ECD: variants seen among roughly 807,000 people sequenced by gnomAD.
ECD encodes the protein protein ecdysoneless homolog.
A neutral mutation model predicts 77.2 loss-of-function variants in ECD; 59 were observed. The observed-to-expected ratio is 0.76, with a 90% CI of 0.62 to 0.95. The LOEUF (loss-of-function observed/expected upper bound fraction) is 0.95. Ranked by LOEUF, ECD falls within the 40% of genes least tolerant of loss-of-function variation. The pLI is 0.00. For missense variants in ECD, 704 were observed against 763.4 expected (o/e 0.92, Z 0.92); for synonymous variants, 233 against 267.4 (o/e 0.87, Z 1.26).
chr10:73,143,516 G>T (rs531177251), intron 9 of ECD, among the ~76,000 whole-genome samples: 3 of 152,020 alleles, frequency 2.0e-5, no homozygotes, highest in Non-Finnish European at 2.9e-5. Flanking sequence ...CATCCACACG[G>T]TATATATTTT....
Position 73,156,343 on chromosome 10 carries a change from G to A in ECD, c.522C>T (p.Ile174=), listed in dbSNP as rs763731308. 2.7e-5 allele frequency: 43 copies of A among 1,613,454 alleles called. No individual in the cohort carries two copies. Among genetic ancestry groups the A allele is most frequent in the Non-Finnish European group, 3.3e-5 (39 of 1,179,872 alleles). ...CAAGTATTTTTTCTGAATGTGCTGTGATTATATTCAATGCTTGTGGAATTG... is the reference window on the plus strand; with the variant it reads ...CAAGTATTTTTTCTGAATGTGCTGTAATTATATTCAATGCTTGTGGAATTG... ...PPTIPQALNI[I]TAHSEKILAS... is the part of the protein sequence containing the mutation. The change falls in exon 5 of 14, where the codon ATC becomes ATT. Residue 174 remains isoleucine (I), a synonymous_variant. Transcript: ENST00000372979.
At chr10:73,139,021 G>A (rs1843014073) in intron 11 of ECD, among the ~76,000 whole-genome samples, 1 of 152,140 alleles carries the variant, frequency 6.6e-6, no homozygotes, top group Admixed American at 6.6e-5. Context: ...AAAGTTAAAT[G>A]TTGAGCCCAT....
At position 73,134,835 on chromosome 10, in the gene ECD, A is replaced by G. The variant is rs573079014; in HGVS notation, c.1705-22T>C. On this transcript the variant is annotated intron_variant, in intron 13 of 13. Transcript: ENST00000372979. ...GTTCCTTATTCATAGAGGGAAAAGA[A>G]AATTATGGGCTAATGTATCATTAGG... 5.1e-5 allele frequency: 81 copies of G among 1,597,832 alleles called. No homozygotes were observed. In the South Asian group the frequency reaches 8.9e-4, roughly 18 times the overall value.
chr10:73,160,576 T>A, intron 2 of ECD, 25 bp from the exon 3 acceptor site: 1 of 1,519,180 alleles, frequency 6.6e-7, no homozygotes, highest in African/African-American at 1.4e-5. Flanking sequence ...AAAGCAACCA[T>A]GTAACCAGAT....
rs1255722327 is a variant in ECD at position 73,154,359 on chromosome 10, A to G, written c.680T>C (p.Leu227Ser). 2 of 1,614,110 alleles carry G rather than the reference A, an allele frequency of 1.2e-6. No individual in the cohort carries two copies. Among genetic ancestry groups the G allele is most frequent in the East Asian group, 2.2e-5 (1 of 44,872 alleles). ...IVAVLKQRPRLVAAAVQAFYL... is the reference protein window; with the variant it reads ...IVAVLKQRPRSVAAAVQAFYL... ...AAATGCCTGGACTGCTGCAGCCACC[A>G]ATCTGGGGCGCTGCTTTAGCACTGC... The change falls in exon 6 of 14, where the codon TTG (leucine) becomes TCG (serine). Residue 227 changes from leucine (L) to serine (S), a missense_variant. Leu to Ser is a moderately radical substitution (Grantham distance 145). This residue lies in a region of ECD where 559 missense variants were observed against 583.7 expected (regional missense o/e 0.96). Transcript: ENST00000372979.
In ECD at chr10:73,151,717, T is replaced by C. The variant is rs186331186; in HGVS notation, c.912+576A>G. On this transcript the variant is annotated intron_variant, in intron 7 of 13. Transcript: ENST00000372979. Reference sequence around the variant, plus strand: ...CCTGTATTTCCTTTTCTGTGGACTATGTTCATAGTTCTGAACATTTTAAAA... The same window carrying C: ...CCTGTATTTCCTTTTCTGTGGACTACGTTCATAGTTCTGAACATTTTAAAA... Among the ~76,000 whole-genome samples, 538 of 152,308 alleles carry C rather than the reference T, an allele frequency of 3.5e-3. 2 individuals are homozygous for C. The highest frequency in any genetic ancestry group is 0.013 in the African/African-American group (524 of 41,584).
At chr10:73,162,592 A>G (rs1396469837) in intron 2 of ECD, among the ~76,000 whole-genome samples, 1 of 152,210 alleles carries the variant, frequency 6.6e-6, no homozygotes, top group African/African-American at 2.4e-5. Flanking sequence ...GATAACAGAT[A>G]CGCACTAAAC....
Position 73,163,727 on chromosome 10 carries a change from C to G in ECD, c.205+6G>C, listed in dbSNP as rs113152218. The G allele has an allele frequency of 6.2e-7, 1 of 1,613,564 alleles. No homozygotes were observed. Among genetic ancestry groups the G allele is most frequent in the Admixed American group, 1.7e-5 (1 of 60,004 alleles). ...ACACTAATCCAAACAAGTAAAAGAG[C>G]CTTACCTTTCCCAGGTTTATATTTA... On this transcript the variant is annotated splice_donor_region_variant and intron_variant, in intron 2 of 13. Transcript: ENST00000372979.
intron 3 of ECD, among the ~76,000 whole-genome samples, chr10:73,159,642 A>ATTTTTTTT (rs1169258127): frequency 0.034 from 4,159 of 123,098 alleles, 263 homozygotes; most frequent in African/African-American, 0.11. Flanking sequence ...CAGTACTTTA[A>ATTTTTTTT]TTTTTTTTTT....
chr10:73,157,493 C>A (rs536931915), intron 3 of ECD, among the ~76,000 whole-genome samples: 2 of 151,028 alleles, frequency 1.3e-5, no homozygotes, highest in Admixed American at 6.6e-5. Context: ...CCGAGGTGGG[C>A]GGATCACCTG....
chr10:73,150,242 T>C (rs1843185345), intron 7 of ECD, among the ~76,000 whole-genome samples: 1 of 152,172 alleles, frequency 6.6e-6, no homozygotes, highest in South Asian at 2.1e-4. Context: ...TATCTGGTCT[T>C]TGACAAACCT....
In ECD at chr10:73,148,285, A is replaced by G; in HGVS notation, c.1032T>C (p.Asp344=). Residue 344 remains aspartate (D), a synonymous_variant, in exon 8 of 14, where the codon GAT becomes GAC. Coordinates refer to ENST00000372979, the MANE Select transcript of ECD (RefSeq NM_007265.3). ...ATATTGCAAGTCCTACCTTAAAGTA[A>G]TCATTCTTTTTCAGACTTTCAAGGA... is the stretch of plus-strand genomic sequence containing the variant. The part of the protein sequence containing the change: ...ASFLESLKKN[D]YFKGLIEGSA... 6.2e-7 allele frequency: 1 copy of G among 1,613,714 alleles called. No homozygotes were observed. The highest frequency in any genetic ancestry group is 8.5e-7 in the Non-Finnish European group (1 of 1,179,790).
rs1842954233 is a variant in ECD at position 73,134,396 on chromosome 10, G to T, written c.*187C>A. ...CTACCCTGCCGAGTTCAAAACCTGT[G>T]TATAACCCACAGCTGAGATCACAAA... is the stretch of plus-strand genomic sequence containing the variant. On this transcript the variant is annotated 3_prime_UTR_variant, in exon 14 of 14. Transcript: ENST00000372979. 4 of 609,850 alleles carry T rather than the reference G, an allele frequency of 6.6e-6. No homozygotes were observed. In the East Asian group the frequency reaches 1.1e-4, roughly 17 times the overall value. 37.8% of individuals were successfully genotyped at this position (609,850 alleles called of 1,614,324 possible).
chr10:73,147,565 A>T (rs1843146219), intron 8 of ECD, among the ~76,000 whole-genome samples: 1 of 151,968 alleles, frequency 6.6e-6, no homozygotes, highest in African/African-American at 2.4e-5. Flanking sequence ...AAAAAAAAAT[A>T]CCATATATAT....
chr10:73,159,642 A>ATTTTTTTTTTTTTT (rs1169258127), intron 3 of ECD, among the ~76,000 whole-genome samples: 3 of 123,630 alleles, frequency 2.4e-5, no homozygotes, highest in African/African-American at 6.5e-5. Flanking sequence ...CAGTACTTTA[A>ATTTTTTTTTTTTTT]TTTTTTTTTT....
Position 73,148,649 on chromosome 10 carries a change from CT to C in ECD, c.913-246del, listed in dbSNP as rs532779733. On this transcript the variant is annotated intron_variant, in intron 7 of 13. Coordinates refer to ENST00000372979, the MANE Select transcript of ECD (RefSeq NM_007265.3). ...ATAATATACAATAAAGATTCCTGTT[CT>C]CTTCAAAGAGATTCCTTTTCCTGCT... Among the ~76,000 whole-genome samples the C allele has an allele frequency of 6.5e-3, 987 of 152,222 alleles. 12 individuals are homozygous for C. Among genetic ancestry groups the C allele is most frequent in the African/African-American group, 0.023 (942 of 41,532 alleles).
At chr10:73,135,231 G>A (rs1842962361) in intron 13 of ECD, among the ~76,000 whole-genome samples, 1 of 152,094 alleles carries the variant, frequency 6.6e-6, no homozygotes, top group Non-Finnish European at 1.5e-5. Flanking sequence ...TCCCCCCAGT[G>A]AAAAAGCTTA....
At chr10:73,146,550 G>A (rs559102074) in intron 8 of ECD, among the ~76,000 whole-genome samples, 189 bp from the exon 9 acceptor site, 4 of 152,268 alleles carry the variant, frequency 2.6e-5, no homozygotes, top group Middle Eastern at 3.4e-3. Context: ...AGGGGACGCG[G>A]CTAGATGTAG....
At position 73,136,713 on chromosome 10, in the gene ECD, C is replaced by T; in HGVS notation, c.1695G>A (p.Arg565=). Residue 565 remains arginine (R), a synonymous_variant, in exon 13 of 14, where the codon AGG becomes AGA. Transcript: ENST00000372979. ...TTAAAAACACACATACCACTTGGTT[C>T]CTAGTGGTGAAACTTTTGCTGATGC... ...HTCISKSFTT[R]NQVEPVSQTT... 1 of 1,613,648 alleles carries T rather than the reference C, an allele frequency of 6.2e-7. No individual in the cohort carries two copies. The highest frequency in any genetic ancestry group is 8.5e-7 in the Non-Finnish European group (1 of 1,179,750).
Sources: gnomAD v4.1 joint callset for allele counts (sites outside exome capture counted in the v4.1 genomes callset) on GRCh38, gnomAD v4.1.1 for gene constraint, gnomAD v4.1.1 regional missense constraint, MANE v1.5 for transcripts, NCBI Gene and HGNC (gene_info 2026-07-23, HGNC 2026-07-21) for gene names.